The following LRRTM4 variants were observed in gnomAD, a reference collection of about 807,000 sequenced individuals.
LRRTM4 encodes the protein leucine-rich repeat transmembrane neuronal protein 4.
Under a neutral mutation model 47.6 loss-of-function variants are expected in LRRTM4, and 25 were observed. The ratio of observed to expected loss-of-function variants is 0.53; its 90% CI spans 0.38 to 0.73. The LOEUF (loss-of-function observed/expected upper bound fraction) is 0.73, where lower values mean the gene tolerates loss of function less well. Among genes scored for constraint, LRRTM4 ranks in the 30% least tolerant of loss-of-function variants. The pLI, the probability that LRRTM4 is intolerant of heterozygous loss-of-function variation, is 0.00. For missense variants in LRRTM4, 638 were observed against 713.4 expected (o/e 0.89, Z 1.20); for synonymous variants, 311 against 269.5 (o/e 1.15, Z -1.51).
intron 3 of LRRTM4, among the ~76,000 whole-genome samples, chr2:77,081,554 C>G (rs1680534353): frequency 6.6e-6 from 1 of 151,968 alleles, no homozygotes; most frequent in African/African-American, 2.4e-5. Flanking sequence ...GCCACTCACT[C>G]CAGAAGAAGT....
At chr2:77,379,202 T>C (rs1424030651) in intron 3 of LRRTM4, among the ~76,000 whole-genome samples, 1 of 152,160 alleles carries the variant, frequency 6.6e-6, no homozygotes, top group African/African-American at 2.4e-5. Context: ...TTGCTCTATA[T>C]TGAACTTTTA....
rs189363583 is a variant in LRRTM4 at position 76,910,413 on chromosome 2, G to T, written c.1552-161497C>A. On this transcript the variant is annotated intron_variant, in intron 3 of 3. Coordinates refer to ENST00000409884, the MANE Select transcript of LRRTM4 (RefSeq NM_001134745.3). ...CTAATGCTAGATGACGAGTTAGTGG[G>T]TGCAGAGCACCAGCATGGCACATGT... 4.0e-4 allele frequency among the ~76,000 whole-genome samples: 61 copies of T among 152,070 alleles called. No individual in the cohort carries two copies. In the East Asian group the frequency reaches 0.011, roughly 27 times the overall value.
intron 3 of LRRTM4, among the ~76,000 whole-genome samples, chr2:77,433,557 G>A (rs993003304): frequency 3.9e-5 from 6 of 152,166 alleles, no homozygotes; most frequent in Non-Finnish European, 7.3e-5. Flanking sequence ...ATGAAGTAGA[G>A]TGTGTAGGAA....
intron 3 of LRRTM4, among the ~76,000 whole-genome samples, chr2:77,134,499 T>C (rs1671881493): frequency 6.6e-6 from 1 of 152,178 alleles, no homozygotes; most frequent in Admixed American, 6.5e-5. Flanking sequence ...TAAATGCATT[T>C]TCTCTATTTA....
chr2:77,499,683 G>A (rs2104071641), intron 3 of LRRTM4, among the ~76,000 whole-genome samples: 1 of 151,956 alleles, frequency 6.6e-6, no homozygotes, highest in South Asian at 2.1e-4. Flanking sequence ...TATTTTATTT[G>A]TCCAGCATAG....
At chr2:77,027,614 A>G (rs1045488823) in intron 3 of LRRTM4, among the ~76,000 whole-genome samples, 37 of 152,178 alleles carry the variant, frequency 2.4e-4, no homozygotes, top group African/African-American at 8.9e-4. Context: ...TCAGCTCTAA[A>G]TGCATAATGT....
At chr2:77,043,249 C>T (rs953429768) in intron 3 of LRRTM4, among the ~76,000 whole-genome samples, 1 of 151,720 alleles carries the variant, frequency 6.6e-6, no homozygotes, top group Non-Finnish European at 1.5e-5. Context: ...CTCTAGTCTA[C>T]CCATTCAAGT....
intron 3 of LRRTM4, among the ~76,000 whole-genome samples, chr2:76,791,836 A>C (rs1294279953): frequency 3.9e-5 from 6 of 152,238 alleles, no homozygotes. Flanking sequence ...AAGTCAAAAC[A>C]TTGTAATAAG....
intron 3 of LRRTM4, among the ~76,000 whole-genome samples, chr2:77,360,451 C>T (rs909925949): frequency 6.6e-6 from 1 of 150,960 alleles, no homozygotes. Flanking sequence ...GAGCGAGACT[C>T]CATCTCAAAA....
chr2:77,517,708 A>AG (rs397812357), intron 3 of LRRTM4: 1 of 971,980 alleles, frequency 1.0e-6, no homozygotes, highest in Non-Finnish European at 1.2e-6. Context: ...AAAAAAAAAA[A>AG]GAAAGAAGCC....
chr2:76,840,221 A>AC (rs1671631678), intron 3 of LRRTM4, among the ~76,000 whole-genome samples: 2 of 152,132 alleles, frequency 1.3e-5, no homozygotes, highest in Admixed American at 1.3e-4. Context: ...ACTTGGATTT[A>AC]TTTTTTTCCC....
intron 3 of LRRTM4, among the ~76,000 whole-genome samples, chr2:77,154,590 A>C (rs972766380): frequency 6.6e-6 from 1 of 152,214 alleles, no homozygotes. Context: ...GCAATAAAAA[A>C]TCTTTTAATC....
intron 3 of LRRTM4, among the ~76,000 whole-genome samples, chr2:76,844,145 C>T (rs1000083698): frequency 3.3e-5 from 5 of 151,078 alleles, no homozygotes; most frequent in Admixed American, 3.3e-4. Context: ...TTGTGATCCA[C>T]CTGCCTCAAG....
intron 3 of LRRTM4, among the ~76,000 whole-genome samples, chr2:76,932,297 T>A (rs137972100): frequency 2.0e-3 from 306 of 152,268 alleles, no homozygotes; most frequent in African/African-American, 7.0e-3. Context: ...TACCATTATT[T>A]GAGTGATCAA....
intron 3 of LRRTM4, among the ~76,000 whole-genome samples, chr2:76,946,072 A>G (rs935492887): frequency 1.3e-5 from 2 of 151,936 alleles, no homozygotes; most frequent in Non-Finnish European, 2.9e-5. Flanking sequence ...TAGGCACATT[A>G]TATCTTGTCT....
intron 3 of LRRTM4, among the ~76,000 whole-genome samples, chr2:77,058,515 C>T (rs1679682500): frequency 6.6e-6 from 1 of 151,966 alleles, no homozygotes; most frequent in Admixed American, 6.6e-5. Context: ...TTCTTTCTTC[C>T]ACACTCAGTA....
At chr2:76,935,156 T>C (rs1004709934) in intron 3 of LRRTM4, among the ~76,000 whole-genome samples, 2 of 152,108 alleles carry the variant, frequency 1.3e-5, no homozygotes, top group Non-Finnish European at 2.9e-5. Context: ...CATTGTGTAG[T>C]GTAAGTAATG....
rs550076524 is a variant in LRRTM4, at chr2:76,985,047, T to C, written c.1552-236131A>G. Among the ~76,000 whole-genome samples the C allele has an allele frequency of 2.0e-5, 3 of 152,152 alleles. No individual in the cohort carries two copies. In the East Asian group the frequency reaches 5.8e-4, roughly 30 times the overall value. ...ATAAAGTTTTTTTAAAGTATTAATTTTCTTTGTATGAGTGGGTCTTTCAAA... is the reference window on the plus strand; with the variant it reads ...ATAAAGTTTTTTTAAAGTATTAATTCTCTTTGTATGAGTGGGTCTTTCAAA... On this transcript the variant is annotated intron_variant, in intron 3 of 3. Coordinates refer to ENST00000409884, the MANE Select transcript of LRRTM4 (RefSeq NM_001134745.3).
At chr2:77,033,562 G>A (rs1446696) in intron 3 of LRRTM4, among the ~76,000 whole-genome samples, 28,862 of 151,658 alleles carry the variant, frequency 0.19, 2,894 homozygotes, top group Admixed American at 0.27. Flanking sequence ...TTCTAAAACA[G>A]TATTTTAAAA....
Sources: allele counts gnomAD v4.1 joint callset (sites outside exome capture counted in the v4.1 genomes callset), GRCh38; gene constraint gnomAD v4.1.1; transcripts MANE v1.5; gene names NCBI Gene and HGNC (gene_info 2026-07-23, HGNC 2026-07-21).